CRISPLD2: variants seen among roughly 807,000 people sequenced by gnomAD.
CRISPLD2 encodes the protein cysteine rich secretory protein LCCL domain containing 2, also known as cysteine-rich secretory protein LCCL domain-containing 2.
CRISPLD2 carries 47 observed loss-of-function variants against 71.1 expected under a neutral mutation model. The observed-to-expected ratio is 0.66, with a 90% CI of 0.52 to 0.84. The LOEUF is 0.84. Ranked by LOEUF, CRISPLD2 falls within the 40% of genes least tolerant of loss-of-function variation. The probability of loss-of-function intolerance (pLI) is 0.00; values close to 1 mark genes in which losing one functional copy is unlikely to be tolerated. For missense variants in CRISPLD2, 830 were observed against 651.1 expected, an observed-to-expected ratio of 1.27 and a Z score of -2.99; for synonymous variants, 317 against 250.1, an observed-to-expected ratio of 1.27 and a Z score of -2.52.
chr16:84,873,044 G>C lies in CRISPLD2; in HGVS notation c.1034G>C (p.Gly345Ala). The change falls in exon 10 of 15, where the codon GGA becomes GCA. Residue 345 changes from glycine (G) to alanine (A), a missense_variant. By Grantham distance (60) the Gly-to-Ala change is moderately conservative. Coordinates refer to ENST00000262424, the MANE Select transcript of CRISPLD2 (RefSeq NM_031476.4). ...AIHYGILDDK[G>A]GLVDITRNGK... is the part of the protein sequence containing the mutation. ...CACTACGGGATCCTGGATGACAAGG[G>C]AGGCCTGGTGGATATCACCAGGAAC... 2 of 1,613,946 alleles carry C rather than the reference G, an allele frequency of 1.2e-6. No individual in the cohort carries two copies. Among genetic ancestry groups the C allele is most frequent in the Non-Finnish European group, 1.7e-6 (2 of 1,179,918 alleles).
chr16:84,851,021 GAATTAGACC>G (rs1354785874), intron 5 of CRISPLD2, among the ~76,000 whole-genome samples: 7 of 152,168 alleles, frequency 4.6e-5, no homozygotes. Flanking sequence ...TTCTTTGCCA[GAATTAGACC>G]AATCATAGAT....
At position 84,838,577 on chromosome 16, in the gene CRISPLD2, G is replaced by A. The variant is rs541302905; in HGVS notation, c.82G>A (p.Val28Ile). The change falls in exon 2 of 15, where the codon GTC becomes ATC. Residue 28 changes from valine to isoleucine, a missense_variant. By Grantham distance (29) the Val-to-Ile change is conservative. Coordinates refer to ENST00000262424, the MANE Select transcript of CRISPLD2 (RefSeq NM_031476.4). ...CGSQGYLLPN[V>I]TLLEELLSKY... ...ATCCCAAGGCTACCTCCTGCCCAACGTCACTCTCTTAGAGGAGCTGCTCAG... is the reference window on the plus strand; with the variant it reads ...ATCCCAAGGCTACCTCCTGCCCAACATCACTCTCTTAGAGGAGCTGCTCAG... 3.0e-5 allele frequency: 49 copies of A among 1,614,190 alleles called. 1 individual carries two copies. Among genetic ancestry groups the A allele is most frequent in the South Asian group, 2.4e-4 (22 of 91,084 alleles).
At chr16:84,859,910 G>T (rs1281754225) in intron 6 of CRISPLD2, among the ~76,000 whole-genome samples, 1 of 152,182 alleles carries the variant, frequency 6.6e-6, no homozygotes, top group Non-Finnish European at 1.5e-5. Context: ...AGTGACTGTG[G>T]TTCCCACTGT....
intron 1 of CRISPLD2, among the ~76,000 whole-genome samples, chr16:84,834,716 C>A (rs1030173533): frequency 2.0e-5 from 3 of 152,180 alleles, no homozygotes; most frequent in African/African-American, 7.2e-5. Flanking sequence ...GTTCTGGAGG[C>A]CAGAAGTCTA....
At chr16:84,831,910 C>A (rs1418023674) in intron 1 of CRISPLD2, among the ~76,000 whole-genome samples, 1 of 152,044 alleles carries the variant, frequency 6.6e-6, no homozygotes, top group Non-Finnish European at 1.5e-5. Flanking sequence ...AAGGTTTGTA[C>A]TTTTAGTAAA....
chr16:84,824,320 G>C (rs1290356068), intron 1 of CRISPLD2, among the ~76,000 whole-genome samples: 1 of 152,214 alleles, frequency 6.6e-6, no homozygotes, highest in Non-Finnish European at 1.5e-5. Context: ...GCACCATCAA[G>C]ATGAACAGAG....
At chr16:84,834,220 C>T (rs748923314) in intron 1 of CRISPLD2, among the ~76,000 whole-genome samples, 3 of 152,192 alleles carry the variant, frequency 2.0e-5, no homozygotes, top group South Asian at 2.1e-4. Flanking sequence ...CACACCACGA[C>T]GGGCGCAGGG....
At chr16:84,829,755 G>A (rs77585951) in intron 1 of CRISPLD2, among the ~76,000 whole-genome samples, 10 of 152,212 alleles carry the variant, frequency 6.6e-5, no homozygotes, top group Non-Finnish European at 1.2e-4. Flanking sequence ...CCACAGGCAA[G>A]TTGCTTATCT....
intron 3 of CRISPLD2, among the ~76,000 whole-genome samples, chr16:84,846,764 A>T (rs1290414304): frequency 6.6e-6 from 1 of 152,016 alleles, no homozygotes; most frequent in African/African-American, 2.4e-5. Flanking sequence ...CAGACCCCCG[A>T]GGCTTCCCTG....
intron 14 of CRISPLD2, among the ~76,000 whole-genome samples, chr16:84,905,610 C>G (rs909478434): frequency 1.3e-5 from 2 of 151,894 alleles, no homozygotes; most frequent in East Asian, 3.9e-4. Context: ...AGACTGGTCT[C>G]GAATTCCAGA....
At position 84,850,660 on chromosome 16, in the gene CRISPLD2, C is replaced by T; in HGVS notation, c.585C>T (p.Tyr195=). 1.9e-6 allele frequency: 3 copies of T among 1,614,068 alleles called. No homozygotes were observed. The highest frequency in any genetic ancestry group is 2.7e-5 in the African/African-American group (2 of 75,040). ...VWGEVWENAV[Y]FVCNYSPKGN... is the part of the protein sequence containing the mutation. ...GAGAAGTTTGGGAGAACGCGGTCTA[C>T]TTTGTCTGCAATTATTCTCCAAAGT... Residue 195 remains tyrosine, a synonymous_variant, in exon 5 of 15, where the codon TAC becomes TAT. Coordinates refer to ENST00000262424, the MANE Select transcript of CRISPLD2 (RefSeq NM_031476.4).
intron 13 of CRISPLD2, 44 bp downstream of exon 13, chr16:84,880,628 A>G (rs113031416): frequency 0.01 from 15,517 of 1,499,222 alleles, 152 homozygotes; most frequent in South Asian, 0.03. Flanking sequence ...AAAGCCTGTT[A>G]AAGACCTCAA....
At chr16:84,890,368 A>G (rs1178359368) in intron 14 of CRISPLD2, among the ~76,000 whole-genome samples, 2 of 150,622 alleles carry the variant, frequency 1.3e-5, no homozygotes, top group Non-Finnish European at 3.0e-5. Flanking sequence ...CAAAAAAAAA[A>G]AGAAGTGGCA....
intron 6 of CRISPLD2, among the ~76,000 whole-genome samples, chr16:84,862,522 A>G (rs1453417239): frequency 1.3e-5 from 2 of 151,928 alleles, no homozygotes; most frequent in African/African-American, 4.8e-5. Flanking sequence ...CCCATTTAGG[A>G]TGTTTCCACT....
intron 13 of CRISPLD2, among the ~76,000 whole-genome samples, chr16:84,884,325 T>C (rs1002408466): frequency 3.3e-5 from 5 of 151,372 alleles, no homozygotes; most frequent in African/African-American, 1.2e-4. Flanking sequence ...CGATTGATAA[T>C]GACAACACCT....
At chr16:84,831,729 A>C (rs1916493478) in intron 1 of CRISPLD2, among the ~76,000 whole-genome samples, 1 of 151,914 alleles carries the variant, frequency 6.6e-6, no homozygotes, top group Non-Finnish European at 1.5e-5. Context: ...ATTTTTTTTA[A>C]TTTTTAAATT....
At chr16:84,872,774 C>T (rs1157856890) in intron 9 of CRISPLD2, among the ~76,000 whole-genome samples, 2 of 152,208 alleles carry the variant, frequency 1.3e-5, no homozygotes, top group African/African-American at 4.8e-5. Flanking sequence ...GTTTGTCACT[C>T]TTCTTAGTTT....
In CRISPLD2 at chr16:84,877,420, C is replaced by G. The variant is rs768139007; in HGVS notation, c.1157-18C>G. 2 of 1,612,982 alleles carry G rather than the reference C, an allele frequency of 1.2e-6. No homozygotes were observed. Among genetic ancestry groups the G allele is most frequent in the Non-Finnish European group, 1.7e-6 (2 of 1,179,126 alleles). ...GCGTGCTGGGACCTGACCCTTTCCC[C>G]CTTGCTCCTGTTCACAGTGCAGGAT... On this transcript the variant is annotated intron_variant, in intron 11 of 14. Transcript: ENST00000262424.
At chr16:84,826,770 C>G (rs902831440) in intron 1 of CRISPLD2, among the ~76,000 whole-genome samples, 1 of 152,152 alleles carries the variant, frequency 6.6e-6, no homozygotes, top group Non-Finnish European at 1.5e-5. Flanking sequence ...AAGGGGGAGG[C>G]CCCACCGCCA....
Sources: gnomAD v4.1 joint callset for allele counts (sites outside exome capture counted in the v4.1 genomes callset) on GRCh38, gnomAD v4.1.1 for gene constraint, MANE v1.5 for transcripts, NCBI Gene and HGNC (gene_info 2026-07-23, HGNC 2026-07-21) for gene names.